RAD18: variants seen among roughly 807,000 people sequenced by gnomAD.
RAD18 encodes the protein E3 ubiquitin-protein ligase RAD18.
RAD18 carries 47 observed loss-of-function variants against 60.4 expected under a neutral mutation model. The observed-to-expected ratio is 0.78, with a 90% CI of 0.62 to 0.99. The LOEUF (loss-of-function observed/expected upper bound fraction) is 0.99. Among genes scored for constraint, RAD18 ranks in the 50% least tolerant of loss-of-function variants. The probability of loss-of-function intolerance (pLI) is 0.00; values close to 1 mark genes in which losing one functional copy is unlikely to be tolerated. For synonymous variants in RAD18, 225 were observed against 195.5 expected (o/e 1.15, Z -1.26); for missense variants, 640 against 593.3 (o/e 1.08, Z -0.82).
chr3:8,942,693 T>C (rs1357655435), intron 4 of RAD18, among the ~76,000 whole-genome samples: 2 of 152,024 alleles, frequency 1.3e-5, no homozygotes, highest in African/African-American at 4.8e-5. Flanking sequence ...TTAGAGAAAA[T>C]AAGAGATCAG....
intron 6 of RAD18, among the ~76,000 whole-genome samples, chr3:8,938,758 G>A (rs1055748946): frequency 6.6e-6 from 1 of 152,144 alleles, no homozygotes; most frequent in African/African-American, 2.4e-5. Context: ...TGATCTTTAT[G>A]CCACTCACTG....
intron 11 of RAD18, among the ~76,000 whole-genome samples, chr3:8,898,067 G>C (rs910566583): frequency 6.6e-6 from 1 of 151,864 alleles, no homozygotes; most frequent in Admixed American, 6.6e-5. Context: ...GTGAGACTCC[G>C]TCTCAAAAAA....
intron 7 of RAD18, among the ~76,000 whole-genome samples, chr3:8,921,007 T>C (rs45523932): frequency 0.023 from 3,440 of 152,334 alleles, 59 homozygotes; most frequent in Non-Finnish European, 0.032. Context: ...AAGAGAATCT[T>C]TTTTTCTTAA....
At chr3:8,918,153 A>G (rs542832398) in intron 7 of RAD18, among the ~76,000 whole-genome samples, 2 of 152,164 alleles carry the variant, frequency 1.3e-5, no homozygotes, top group South Asian at 4.2e-4. Context: ...TCCCGTCCCT[A>G]CTGAAAATAC....
chr3:8,886,152 G>A (rs1322927661), intron 12 of RAD18, among the ~76,000 whole-genome samples: 2 of 152,198 alleles, frequency 1.3e-5, no homozygotes, highest in Non-Finnish European at 2.9e-5. Context: ...CTCTTTAAGT[G>A]TGGGGTGATT....
intron 12 of RAD18, among the ~76,000 whole-genome samples, chr3:8,882,896 T>C (rs951221611): frequency 1.3e-5 from 2 of 152,206 alleles, no homozygotes; most frequent in Admixed American, 6.5e-5. Flanking sequence ...GCACAAACAC[T>C]ATCGACCTCA....
chr3:8,904,654 G>A (rs1474759336), intron 9 of RAD18, among the ~76,000 whole-genome samples: 2 of 152,172 alleles, frequency 1.3e-5, no homozygotes. Context: ...CTACGCACTT[G>A]AGGATAATTA....
intron 7 of RAD18, among the ~76,000 whole-genome samples, chr3:8,921,314 C>G (rs1380970530): frequency 6.6e-6 from 1 of 152,088 alleles, no homozygotes; most frequent in Admixed American, 6.5e-5. Flanking sequence ...TTCAGACAAA[C>G]AGAAGCTGAG....
chr3:8,963,361 A>T lies in RAD18; in HGVS notation c.25T>A (p.Trp9Arg). The T allele has an allele frequency of 6.2e-7, 1 of 1,611,666 alleles. No homozygotes were observed. The change falls in exon 1 of 13, where the codon TGG becomes AGG. Residue 9 changes from tryptophan to arginine, a missense_variant. Trp to Arg is a moderately radical substitution (Grantham distance 101). Coordinates refer to ENST00000264926, the MANE Select transcript of RAD18 (RefSeq NM_020165.4). MDSLAESR[W>R]PPGLAVMKTI... is the part of the protein sequence containing the mutation. ...TTCATGACTGCCAGGCCCGGAGGCC[A>T]CCGAGACTCGGCCAGGGAGTCCATG...
chr3:8,894,116 A>G (rs1005208809), intron 11 of RAD18, among the ~76,000 whole-genome samples: 2 of 152,184 alleles, frequency 1.3e-5, no homozygotes, highest in Non-Finnish European at 2.9e-5. Context: ...GTTTTGCCAC[A>G]TTGTGCTGCT....
chr3:8,885,111 C>T (rs1939535425), intron 12 of RAD18, among the ~76,000 whole-genome samples: 1 of 152,186 alleles, frequency 6.6e-6, no homozygotes, highest in Non-Finnish European at 1.5e-5. Context: ...GCTTCCAATA[C>T]ACATTATTTC....
At chr3:8,926,908 T>C (rs1051269720) in intron 7 of RAD18, among the ~76,000 whole-genome samples, 1 of 152,050 alleles carries the variant, frequency 6.6e-6, no homozygotes, top group African/African-American at 2.4e-5. Flanking sequence ...AAAAATTAAT[T>C]CAAGATGGAT....
At chr3:8,902,697 T>G (rs1358157885) in intron 9 of RAD18, among the ~76,000 whole-genome samples, 177 bp from the exon 10 acceptor site, 1 of 152,132 alleles carries the variant, frequency 6.6e-6, no homozygotes, top group Non-Finnish European at 1.5e-5. Context: ...GAAACCAGCG[T>G]GGCCAGCATG....
intron 9 of RAD18, among the ~76,000 whole-genome samples, chr3:8,905,522 G>A (rs1939987356): frequency 6.6e-6 from 1 of 152,182 alleles, no homozygotes; most frequent in Non-Finnish European, 1.5e-5. Context: ...ATCAAGAAAT[G>A]AGTTTGGAGT....
intron 7 of RAD18, among the ~76,000 whole-genome samples, chr3:8,917,219 T>G (rs1208799822): frequency 1.3e-5 from 2 of 152,270 alleles, no homozygotes; most frequent in East Asian, 3.9e-4. Context: ...AAAATATCTT[T>G]CAAAAGTGAA....
chr3:8,950,343 C>T (rs906460535), intron 2 of RAD18, among the ~76,000 whole-genome samples: 15 of 152,100 alleles, frequency 9.9e-5, no homozygotes, highest in Non-Finnish European at 1.9e-4. Flanking sequence ...CCAGAGTAGT[C>T]TGTTCTCAAC....
intron 9 of RAD18, among the ~76,000 whole-genome samples, chr3:8,907,959 G>C (rs962570561): frequency 6.6e-6 from 1 of 152,168 alleles, no homozygotes; most frequent in African/African-American, 2.4e-5. Context: ...CCAGCAGTGC[G>C]CTGAGTGAAA....
chr3:8,917,151 C>T (rs1029939722), intron 7 of RAD18, among the ~76,000 whole-genome samples: 2 of 152,054 alleles, frequency 1.3e-5, no homozygotes, highest in African/African-American at 4.8e-5. Flanking sequence ...AGCCAGATAA[C>T]AATAGAGTGA....
At chr3:8,946,765 G>T (rs1940846152) in intron 4 of RAD18, among the ~76,000 whole-genome samples, 1 of 152,144 alleles carries the variant, frequency 6.6e-6, no homozygotes, top group Admixed American at 6.5e-5. Context: ...ATATACATGA[G>T]TTAGTACATA....
Sources: gnomAD v4.1 joint callset for allele counts (sites outside exome capture counted in the v4.1 genomes callset) on GRCh38, gnomAD v4.1.1 for gene constraint, MANE v1.5 for transcripts, NCBI Gene and HGNC (gene_info 2026-07-23, HGNC 2026-07-21) for gene names.